The following C12orf75 variants were observed in gnomAD, a reference collection of about 807,000 sequenced individuals.
C12orf75 encodes overexpressed in colon carcinoma 1 protein.
In C12orf75, 4 loss-of-function variants were observed where a neutral mutation model predicts 11.4. That is an observed-to-expected ratio of 0.35 (90% CI 0.17 to 0.80). The LOEUF (loss-of-function observed/expected upper bound fraction) is 0.80. Among genes scored for constraint, C12orf75 ranks in the 30% least tolerant of loss-of-function variants. C12orf75 has a pLI of 0.52. For missense variants in C12orf75, 89 were observed against 80.4 expected, an observed-to-expected ratio of 1.11 and a Z score of -0.41; for synonymous variants, 30 against 30.0, an observed-to-expected ratio of 1.00 and a Z score of 0.00.
chr12:105,355,038 C>T (rs1048814135), intron 2 of C12orf75, among the ~76,000 whole-genome samples: 1 of 151,796 alleles, frequency 6.6e-6, no homozygotes, highest in Non-Finnish European at 1.5e-5. Flanking sequence ...TAAAATAGTT[C>T]CAGGAACTAT....
chr12:105,344,965 C>CA (rs934844044), intron 1 of C12orf75, among the ~76,000 whole-genome samples: 13 of 38,132 alleles, frequency 3.4e-4, no homozygotes, highest in South Asian at 6.5e-4. Flanking sequence ...AAATTCTAAG[C>CA]CCCCCCCCAA....
chr12:105,357,824 GA>G lies in C12orf75; in HGVS notation c.72-7982del, dbSNP rs1382939644. ...TGTGTGTGTGAGAGAGAGAGAGAGA[GA>G]GAGAGGAGAGAGAGAGAGACAGACA... is the stretch of plus-strand genomic sequence containing the variant. On this transcript the variant is annotated intron_variant, in intron 2 of 5. Coordinates refer to ENST00000443585, the MANE Select transcript of C12orf75 (RefSeq NM_001145199.2). 2.8e-3 allele frequency among the ~76,000 whole-genome samples: 421 copies of G among 151,420 alleles called. 2 individuals are homozygous for G. The highest frequency in any genetic ancestry group is 9.8e-3 in the African/African-American group (403 of 41,186).
chr12:105,338,171 C>T (rs749712835), intron 1 of C12orf75, among the ~76,000 whole-genome samples: 1 of 151,964 alleles, frequency 6.6e-6, no homozygotes, highest in Non-Finnish European at 1.5e-5. Flanking sequence ...ATTTATCTTT[C>T]ATTTATTTAT....
intron 1 of C12orf75, among the ~76,000 whole-genome samples, chr12:105,345,359 G>A (rs1566137730): frequency 6.6e-6 from 1 of 151,624 alleles, no homozygotes; most frequent in Non-Finnish European, 1.5e-5. Flanking sequence ...GCGTGGTGGT[G>A]CACGCCTGTA....
At chr12:105,349,712 C>A (rs544081617) in intron 2 of C12orf75, among the ~76,000 whole-genome samples, 4 of 151,738 alleles carry the variant, frequency 2.6e-5, no homozygotes, top group Non-Finnish European at 5.9e-5. Context: ...CCTGTCTCTA[C>A]TAAAAATACA....
In C12orf75 at chr12:105,341,530, A is replaced by G. The variant is rs146595023; in HGVS notation, c.47-7072A>G. Among the ~76,000 whole-genome samples, 13 of 152,280 alleles carry G rather than the reference A, an allele frequency of 8.5e-5. No individual in the cohort carries two copies. The East Asian group carries it at 1.7e-3, about 20-fold the overall frequency. ...GTCTTCACAAATCTCTTCAGGCTCA[A>G]TGATTTGCTAGAATAGCTCACAGGA... On this transcript the variant is annotated intron_variant, in intron 1 of 5. Coordinates refer to ENST00000443585, the MANE Select transcript of C12orf75 (RefSeq NM_001145199.2).
chr12:105,332,704 C>G (rs565845239), intron 1 of C12orf75, among the ~76,000 whole-genome samples: 1 of 149,050 alleles, frequency 6.7e-6, no homozygotes, highest in Non-Finnish European at 1.5e-5. Context: ...GCACTCCAAC[C>G]TGGGCAACAA....
chr12:105,370,384 C>G (rs558229436), intron 5 of C12orf75, among the ~76,000 whole-genome samples: 45 of 152,290 alleles, frequency 3.0e-4, no homozygotes, highest in African/African-American at 1.0e-3. Context: ...TTGGGCATTG[C>G]TTATCAAGAT....
intron 1 of C12orf75, among the ~76,000 whole-genome samples, 181 bp downstream of exon 1, chr12:105,331,118 G>A (rs910811092): frequency 6.6e-6 from 1 of 151,962 alleles, no homozygotes; most frequent in African/African-American, 2.4e-5. Context: ...GCGCGGGGGC[G>A]GTTGCGCCTG....
chr12:105,353,351 G>C (rs920958850), intron 2 of C12orf75, among the ~76,000 whole-genome samples: 6 of 152,176 alleles, frequency 3.9e-5, no homozygotes, highest in African/African-American at 1.4e-4. Context: ...CTTGTAGTTT[G>C]ATCAAAAGTC....
intron 1 of C12orf75, among the ~76,000 whole-genome samples, chr12:105,336,615 G>A (rs1285990180): frequency 6.6e-6 from 1 of 152,212 alleles, no homozygotes; most frequent in Non-Finnish European, 1.5e-5. Flanking sequence ...GAGAAGTGCT[G>A]AGGGCCTGGA....
rs948044146 is a variant in C12orf75, at chr12:105,371,481, A to G, written c.*881A>G. On this transcript the variant is annotated 3_prime_UTR_variant, in exon 6 of 6. Transcript: ENST00000443585. ...GCAATGTAAGTTACTCAATTCACCA[A>G]TGTATTTCAACAATTAAAACATTTT... The G allele has an allele frequency of 9.2e-5, 14 of 152,206 alleles. No homozygotes were observed. The highest frequency in any genetic ancestry group is 3.4e-4 in the African/African-American group (14 of 41,446). 9.4% of individuals were successfully genotyped at this position (152,206 alleles called of 1,614,324 possible).
intron 1 of C12orf75, among the ~76,000 whole-genome samples, chr12:105,346,009 C>T (rs544698185): frequency 1.3e-5 from 2 of 152,116 alleles, no homozygotes; most frequent in Non-Finnish European, 2.9e-5. Context: ...GAAGCTTCAT[C>T]TGCAAAATAA....
chr12:105,338,075 T>C (rs374519845), intron 1 of C12orf75, among the ~76,000 whole-genome samples: 3 of 152,390 alleles, frequency 2.0e-5, no homozygotes, highest in East Asian at 1.9e-4. Context: ...GAGCCACTTA[T>C]AGCTCCATAT....
intron 3 of C12orf75, 52 bp downstream of exon 3, chr12:105,365,894 C>T (rs1219353590): frequency 8.4e-7 from 1 of 1,184,874 alleles, no homozygotes; most frequent in Admixed American, 2.0e-5. Flanking sequence ...GGCCATACCT[C>T]ATGGATTTAA....
At chr12:105,352,793 C>G (rs1445038659) in intron 2 of C12orf75, among the ~76,000 whole-genome samples, 1 of 152,088 alleles carries the variant, frequency 6.6e-6, no homozygotes, top group Admixed American at 6.5e-5. Context: ...CAAAACCTAG[C>G]TAGGTTAACC....
intron 1 of C12orf75, among the ~76,000 whole-genome samples, chr12:105,337,270 G>A (rs1892509575): frequency 6.6e-6 from 1 of 152,130 alleles, no homozygotes; most frequent in South Asian, 2.1e-4. Context: ...AAGTGAGGCT[G>A]CAGTGAGCAG....
At chr12:105,346,084 A>G (rs1892636501) in intron 1 of C12orf75, among the ~76,000 whole-genome samples, 1 of 152,192 alleles carries the variant, frequency 6.6e-6, no homozygotes, top group South Asian at 2.1e-4. Flanking sequence ...TTGATTCCAG[A>G]TCTTTAAATA....
rs946530219 is a variant in C12orf75, at chr12:105,333,481, A to G, written c.46+2544A>G. Among the ~76,000 whole-genome samples, 36 of 152,094 alleles carry G rather than the reference A, an allele frequency of 2.4e-4. 1 individual carries two copies. Among genetic ancestry groups the G allele is most frequent in the Non-Finnish European group, 2.9e-5 (2 of 68,018 alleles). ...TTACTTACAGTGCACTACTTCCAAT[A>G]TGTCCCAGGAGTCATAGAATTCAGT... is the stretch of plus-strand genomic sequence containing the variant. On this transcript the variant is annotated intron_variant, in intron 1 of 5. Coordinates refer to ENST00000443585, the MANE Select transcript of C12orf75 (RefSeq NM_001145199.2).
Sources: allele counts gnomAD v4.1 joint callset (sites outside exome capture counted in the v4.1 genomes callset), GRCh38; gene constraint gnomAD v4.1.1; transcripts MANE v1.5; gene names NCBI Gene and HGNC (gene_info 2026-07-23, HGNC 2026-07-21).